MXD1: variants seen among roughly 807,000 people sequenced by gnomAD.
MXD1 encodes the protein MAX dimerization protein 1.
In MXD1, 9 loss-of-function variants were observed where a neutral mutation model predicts 25.7. That is an observed-to-expected ratio of 0.35 (90% CI 0.21 to 0.61). MXD1 has a LOEUF of 0.61. Ranked by LOEUF, MXD1 falls within the 20% of genes least tolerant of loss-of-function variation. The probability of loss-of-function intolerance (pLI) is 0.75; values close to 1 mark genes in which losing one functional copy is unlikely to be tolerated. For synonymous variants in MXD1, 99 were observed against 113.9 expected (o/e 0.87, Z 0.83); for missense variants, 227 against 292.4 (o/e 0.78, Z 1.63).
intron 3 of MXD1, among the ~76,000 whole-genome samples, chr2:69,933,760 A>G (rs1267060886): frequency 1.3e-5 from 2 of 152,254 alleles, no homozygotes; most frequent in African/African-American, 2.4e-5. Context: ...CACCTGTCCT[A>G]TAGCTTTCTG....
Position 69,938,251 on chromosome 2 carries a change from G to A in MXD1, c.633G>A (p.Leu211=), listed in dbSNP as rs2104216241. ...GCACCAGCATCAAGAGAATAAAGCT[G>A]CAGGACAGTCACAAGGCGTGTCTTG... is the stretch of plus-strand genomic sequence containing the variant. ...YSSTSIKRIK[L]QDSHKACLGL The change falls in exon 6 of 6, where the codon CTG becomes CTA. Residue 211 remains leucine (L), a synonymous_variant. Coordinates refer to ENST00000264444, the MANE Select transcript of MXD1 (RefSeq NM_002357.4). The A allele has an allele frequency of 6.2e-7, 1 of 1,614,198 alleles. No individual in the cohort carries two copies. The highest frequency in any genetic ancestry group is 1.1e-5 in the South Asian group (1 of 91,080).
intron 5 of MXD1, among the ~76,000 whole-genome samples, chr2:69,937,701 G>A (rs1023490516): frequency 6.6e-6 from 1 of 152,108 alleles, no homozygotes; most frequent in South Asian, 2.1e-4. Flanking sequence ...TGCAACCTCC[G>A]CCTCCCGGGT....
At chr2:69,935,638 C>T (rs150071887) in intron 4 of MXD1, among the ~76,000 whole-genome samples, 173 bp downstream of exon 4, 1 of 152,166 alleles carries the variant, frequency 6.6e-6, no homozygotes, top group Non-Finnish European at 1.5e-5. Flanking sequence ...TTCTCACTCC[C>T]ATGCACCAGA....
chr2:69,926,713 T>G (rs1376163963), intron 3 of MXD1, among the ~76,000 whole-genome samples: 1 of 152,234 alleles, frequency 6.6e-6, no homozygotes. Context: ...TTGAATCTTT[T>G]GTTGTTACAT....
At position 69,915,691 on chromosome 2, in the gene MXD1, T is replaced by C. The variant is rs1417381217; in HGVS notation, c.73+288T>C. Among the ~76,000 whole-genome samples, 1 of 152,160 alleles carries C rather than the reference T, an allele frequency of 6.6e-6. No homozygotes were observed. Among genetic ancestry groups the C allele is most frequent in the Non-Finnish European group, 1.5e-5 (1 of 68,016 alleles). On this transcript the variant is annotated intron_variant, in intron 1 of 5. Transcript: ENST00000264444. This position sits in a 1 kb window ranked among gnomAD's most constrained non-coding sequence, Gnocchi z 5.8. Reference sequence around the variant, plus strand: ...GGGCCCCCTCCGATAGCCTCCCTGGTTTACCTCACCCGGGCTGGTCCCGGC... The same window carrying C: ...GGGCCCCCTCCGATAGCCTCCCTGGCTTACCTCACCCGGGCTGGTCCCGGC...
chr2:69,929,259 C>T (rs1392653248), intron 3 of MXD1, among the ~76,000 whole-genome samples: 1 of 152,226 alleles, frequency 6.6e-6, no homozygotes, highest in Non-Finnish European at 1.5e-5. Flanking sequence ...AACACACACA[C>T]ATACCCACAC....
chr2:69,923,306 C>G lies in MXD1; in HGVS notation c.203+1541C>G, dbSNP rs1200457225. On this transcript the variant is annotated intron_variant, in intron 3 of 5. Transcript: ENST00000264444. ...GGAGAACCATTGAACTAGCCTCATT[C>G]TGGTCTCTGAGCTCCCATCAATTTG... Among the ~76,000 whole-genome samples the G allele has an allele frequency of 4.6e-5, 7 of 152,196 alleles. No homozygotes were observed. In the South Asian group the frequency reaches 6.2e-4, roughly 14 times the overall value.
At chr2:69,928,937 A>G (rs1010635368) in intron 3 of MXD1, among the ~76,000 whole-genome samples, 22 of 152,230 alleles carry the variant, frequency 1.4e-4, no homozygotes, top group African/African-American at 5.3e-4. Context: ...TCTGTCACCC[A>G]GGCTGGAGTA....
rs998686132 is a variant in MXD1 at position 69,915,959 on chromosome 2, A to G, written c.74-162A>G. On this transcript the variant is annotated intron_variant, in intron 1 of 5. Transcript: ENST00000264444. The surrounding 1 kb of genome is among the most constrained non-coding windows in gnomAD (Gnocchi z 5.8). The stretch of plus-strand genomic sequence containing the variant: ...GCTCCGAATTGACGATATTCACACA[A>G]TTTTTTTTTAAATCATTGTTCTCAG... Among the ~76,000 whole-genome samples, 6 of 152,022 alleles carry G rather than the reference A, an allele frequency of 3.9e-5. No individual in the cohort carries two copies. Among genetic ancestry groups the G allele is most frequent in the African/African-American group, 1.4e-4 (6 of 41,400 alleles).
chr2:69,932,471 G>A (rs1035202552), intron 3 of MXD1, among the ~76,000 whole-genome samples: 58 of 152,174 alleles, frequency 3.8e-4, no homozygotes, highest in African/African-American at 1.2e-3. Flanking sequence ...GTGAGGCGCC[G>A]GAGAAGGCCA....
intron 4 of MXD1, 113 bp from the exon 5 acceptor site, chr2:69,937,122 A>G: frequency 7.2e-7 from 1 of 1,384,080 alleles, no homozygotes; most frequent in Admixed American, 1.7e-5. Flanking sequence ...AGTGGCACCG[A>G]AAGGCGTCTG....
At chr2:69,924,046 A>T (rs937050427) in intron 3 of MXD1, among the ~76,000 whole-genome samples, 1 of 152,168 alleles carries the variant, frequency 6.6e-6, no homozygotes, top group Non-Finnish European at 1.5e-5. Flanking sequence ...CACCTCAGGG[A>T]TGTTTATTTT....
Position 69,937,959 on chromosome 2 carries a change from C to A in MXD1, c.479-138C>A. ...ACAGGGTTTCACTGTGTTGGCCCAG[C>A]TGGTCTCAAACTCCTAACCTCAAGT... On this transcript the variant is annotated intron_variant, in intron 5 of 5. Coordinates refer to ENST00000264444, the MANE Select transcript of MXD1 (RefSeq NM_002357.4). 9.4e-6 allele frequency: 7 copies of A among 745,050 alleles called. No individual in the cohort carries two copies. In the East Asian group the frequency reaches 1.7e-4, roughly 18 times the overall value. 46.2% of individuals were successfully genotyped at this position (745,050 alleles called of 1,614,324 possible).
At chr2:69,937,733 G>A (rs1450560912) in intron 5 of MXD1, among the ~76,000 whole-genome samples, 2 of 152,166 alleles carry the variant, frequency 1.3e-5, no homozygotes, top group African/African-American at 4.8e-5. Flanking sequence ...CCCTGCCTAA[G>A]CCTCCCAAGC....
chr2:69,933,850 A>G (rs897120), intron 3 of MXD1, among the ~76,000 whole-genome samples: 80,880 of 152,124 alleles, frequency 0.53, 23,458 homozygotes, highest in African/African-American at 0.78. Flanking sequence ...GGGCAAACCT[A>G]TAAGGCATTG....
At chr2:69,918,992 A>G (rs1677010367) in intron 2 of MXD1, among the ~76,000 whole-genome samples, 1 of 152,306 alleles carries the variant, frequency 6.6e-6, no homozygotes, top group African/African-American at 2.4e-5. Context: ...GCCATTAAGT[A>G]CAAGTCCCCC....
Position 69,942,003 on chromosome 2 carries a change from G to A in MXD1, c.*3719G>A, listed in dbSNP as rs1677616655. 6.6e-6 allele frequency: 1 copy of A among 151,600 alleles called. No individual in the cohort carries two copies. Among genetic ancestry groups the A allele is most frequent in the Non-Finnish European group, 1.5e-5 (1 of 67,960 alleles). The allele number at this position is 151,600 out of a possible 1,614,324, so 9.4% of individuals were successfully genotyped here. On this transcript the variant is annotated 3_prime_UTR_variant, in exon 6 of 6. Coordinates refer to ENST00000264444, the MANE Select transcript of MXD1 (RefSeq NM_002357.4). ...CTTTTTTTATTTTCTATTTTTTCAT[G>A]AACCACACAGGAGACTTTAACATCC...
intron 5 of MXD1, 60 bp from the exon 6 acceptor site, chr2:69,938,037 A>T (rs779100695): frequency 6.5e-7 from 1 of 1,531,802 alleles, no homozygotes; most frequent in Admixed American, 1.8e-5. Flanking sequence ...ATGAGCCACC[A>T]CGCCTGAGCT....
intron 3 of MXD1, among the ~76,000 whole-genome samples, chr2:69,931,325 A>AC (rs1318423497): frequency 6.6e-6 from 1 of 150,496 alleles, no homozygotes; most frequent in Non-Finnish European, 1.5e-5. Context: ...CCTCCTGCCC[A>AC]CCCCCGCTAC....
Sources: gnomAD v4.1 joint callset for allele counts (sites outside exome capture counted in the v4.1 genomes callset) on GRCh38, gnomAD v4.1.1 for gene constraint, Gnocchi (gnomAD v3.1) non-coding constraint, MANE v1.5 for transcripts, NCBI Gene and HGNC (gene_info 2026-07-23, HGNC 2026-07-21) for gene names.